XKR9: variants seen among roughly 807,000 people sequenced by gnomAD.
XKR9 encodes XK-related protein 9.
A neutral mutation model predicts 32.0 loss-of-function variants in XKR9; 32 were observed. The ratio of observed to expected loss-of-function variants is 1.00; its 90% confidence interval spans 0.76 to 1.34. XKR9 has a LOEUF of 1.34. XKR9 is among the 40% of genes most tolerant of loss of function. The pLI, the probability that XKR9 is intolerant of heterozygous loss-of-function variation, is 0.00. For synonymous variants in XKR9, 168 were observed against 143.4 expected (o/e 1.17, Z -1.22); for missense variants, 546 against 429.7 (o/e 1.27, Z -2.39).
At chr8:70,727,974 C>T (rs571310104) in intron 4 of XKR9, among the ~76,000 whole-genome samples, 120 of 152,246 alleles carry the variant, frequency 7.9e-4, no homozygotes, top group Non-Finnish European at 1.4e-3. Flanking sequence ...AGCTGCATGA[C>T]TCCTAAACTA....
the XKR9 span, among the ~76,000 whole-genome samples, chr8:70,859,130 A>G: frequency 9.0e-3 from 1,378 of 152,288 alleles, 22 homozygotes; most frequent in Middle Eastern, 0.01. Flanking sequence ...ACCAGAATAC[A>G]TAAAGTGCTA....
intron 4 of XKR9, among the ~76,000 whole-genome samples, chr8:70,716,760 G>A (rs1806107444): frequency 6.6e-6 from 1 of 152,020 alleles, no homozygotes. Context: ...ACACAATCAT[G>A]CCCTTTCCAG....
chr8:70,733,796 A>T lies in XKR9; in HGVS notation c.494A>T (p.Tyr165Phe). 1 of 1,549,524 alleles carries T rather than the reference A, an allele frequency of 6.5e-7. No individual in the cohort carries two copies. Among genetic ancestry groups the T allele is most frequent in the Non-Finnish European group, 8.7e-7 (1 of 1,155,738 alleles). Residue 165 changes from tyrosine to phenylalanine, a missense_variant and splice_region_variant, in exon 5 of 5, where the codon TAT (tyrosine) becomes TTT (phenylalanine). Transcript: ENST00000408926. ...TATTTTTTATTTTTTTGTTTTGTAGATGCGGCCATCATGGTCTCTTGCTGT... is the reference window on the plus strand; with the variant it reads ...TATTTTTTATTTTTTTGTTTTGTAGTTGCGGCCATCATGGTCTCTTGCTGT... ...LEHGQANFSQ[Y>F]AAIMVSCCAI...
the XKR9 span, among the ~76,000 whole-genome samples, chr8:70,831,474 A>G: frequency 6.6e-6 from 1 of 150,814 alleles, no homozygotes; most frequent in Non-Finnish European, 1.5e-5. Context: ...ATCCTGTTGT[A>G]CTTTTTCCCT....
chr8:70,769,799 T>C (rs146133528), intron 2 of XKR9, among the ~76,000 whole-genome samples: 1,758 of 152,148 alleles, frequency 0.012, 32 homozygotes, highest in African/African-American at 0.038. Flanking sequence ...AGGTCATTTA[T>C]GTTCTTCTCT....
chr8:70,739,164 T>C (rs144161328), downstream of XKR9, among the ~76,000 whole-genome samples: 60,917 of 151,466 alleles, frequency 0.4, 13,790 homozygotes, highest in Non-Finnish European at 0.52. Context: ...GTATTGGGTG[T>C]ATATATATTT....
Position 70,706,923 on chromosome 8 carries a change from T to A in XKR9, c.273-10T>A, listed in dbSNP as rs763785771. On this transcript the variant is annotated splice_polypyrimidine_tract_variant and intron_variant, in intron 3 of 4. Coordinates refer to ENST00000408926, the MANE Select transcript of XKR9 (RefSeq NM_001011720.2). Reference sequence around the variant, plus strand: ...AAAACTAAAGAGAAATGTTTATGTTTACTTTATAGGTATTGGTTTGCCTTA... The same window carrying A: ...AAAACTAAAGAGAAATGTTTATGTTAACTTTATAGGTATTGGTTTGCCTTA... The A allele has an allele frequency of 6.3e-7, 1 of 1,589,348 alleles. No homozygotes were observed. Among genetic ancestry groups the A allele is most frequent in the Non-Finnish European group, 8.6e-7 (1 of 1,164,712 alleles).
chr8:71,030,148 T>A, the XKR9 span, among the ~76,000 whole-genome samples: 2 of 152,170 alleles, frequency 1.3e-5, no homozygotes, highest in African/African-American at 4.8e-5. Flanking sequence ...GCAGGACAGA[T>A]TGCATGCATG....
At chr8:70,704,218 TAAA>T (rs1805641244) in intron 3 of XKR9, among the ~76,000 whole-genome samples, 1 of 151,714 alleles carries the variant, frequency 6.6e-6, no homozygotes, top group African/African-American at 2.4e-5. Flanking sequence ...AACAATAAAA[TAAA>T]TAAATAAATA....
chr8:71,042,963 G>C, the XKR9 span, among the ~76,000 whole-genome samples: 1 of 152,260 alleles, frequency 6.6e-6, no homozygotes, highest in Non-Finnish European at 1.5e-5. Context: ...GGAACCATTT[G>C]TTAGACTGAG....
chr8:70,843,883 C>A, the XKR9 span, among the ~76,000 whole-genome samples: 5 of 152,196 alleles, frequency 3.3e-5, no homozygotes. Flanking sequence ...CCCCACCAGA[C>A]TGCATCCTGC....
chr8:70,804,975 G>T, the XKR9 span, among the ~76,000 whole-genome samples: 1 of 152,286 alleles, frequency 6.6e-6, no homozygotes, highest in South Asian at 2.1e-4. Context: ...TAAGATACTG[G>T]CCAATGGGTG....
At chr8:70,789,311 T>C (rs553778457) in intron 2 of XKR9, 12 of 152,070 alleles carry the variant, frequency 7.9e-5, no homozygotes, top group Non-Finnish European at 1.6e-4. Flanking sequence ...AGAATGATTG[T>C]GGTTTACCTA....
At chr8:70,874,615 T>C in the XKR9 span, among the ~76,000 whole-genome samples, 1 of 152,220 alleles carries the variant, frequency 6.6e-6, no homozygotes, top group South Asian at 2.1e-4. Context: ...AGGACATCTC[T>C]TCTTTGAGAG....
At chr8:70,697,664 G>T (rs1213810919) in intron 3 of XKR9, among the ~76,000 whole-genome samples, 1 of 150,968 alleles carries the variant, frequency 6.6e-6, no homozygotes, top group Non-Finnish European at 1.5e-5. Context: ...TTGTGTCTCT[G>T]CCCGGCTTTG....
At chr8:71,064,883 T>C in the XKR9 span, among the ~76,000 whole-genome samples, 1 of 152,114 alleles carries the variant, frequency 6.6e-6, no homozygotes, top group African/African-American at 2.4e-5. Context: ...TCTATAGATG[T>C]GTTATAAAGA....
chr8:70,778,055 T>C, intron 2 of XKR9, among the ~76,000 whole-genome samples: 1 of 152,254 alleles, frequency 6.6e-6, no homozygotes, highest in East Asian at 1.9e-4. Flanking sequence ...TGGTATTGCC[T>C]AGGTTTCCTT....
At chr8:70,938,800 C>A in the XKR9 span, among the ~76,000 whole-genome samples, 2 of 152,016 alleles carry the variant, frequency 1.3e-5, no homozygotes, top group South Asian at 4.1e-4. Context: ...TCAACCACAC[C>A]TGCTTCATAC....
At chr8:70,925,040 G>A in the XKR9 span, among the ~76,000 whole-genome samples, 1 of 152,262 alleles carries the variant, frequency 6.6e-6, no homozygotes, top group East Asian at 1.9e-4. Flanking sequence ...GAACTCATGA[G>A]CTGCATCACA....
Sources: gnomAD v4.1 joint callset for allele counts (sites outside exome capture counted in the v4.1 genomes callset) on GRCh38, gnomAD v4.1.1 for gene constraint, MANE v1.5 for transcripts, NCBI Gene and HGNC (gene_info 2026-07-23, HGNC 2026-07-21) for gene names.